INPP5A: variants seen among roughly 807,000 people sequenced by gnomAD.
INPP5A encodes the protein 43 kDa inositol polyphosphate 5-phophatase.
INPP5A carries 14 observed loss-of-function variants against 65.2 expected under a neutral mutation model. The observed-to-expected ratio is 0.21, with a 90% CI of 0.14 to 0.34. The LOEUF (loss-of-function observed/expected upper bound fraction) is 0.34, where lower values mean the gene tolerates loss of function less well. INPP5A is among the 10% of genes least tolerant of loss of function. The probability of loss-of-function intolerance (pLI) is 1.00; values close to 1 mark genes in which losing one functional copy is unlikely to be tolerated. For synonymous variants in INPP5A, 207 were observed against 208.3 expected (o/e 0.99, Z 0.05); for missense variants, 431 against 545.6 (o/e 0.79, Z 2.09).
At position 132,781,936 on chromosome 10, in the gene INPP5A, C is replaced by G; in HGVS notation, c.1234C>G (p.Gln412Glu). The G allele has an allele frequency of 6.2e-7, 1 of 1,613,716 alleles. No individual in the cohort carries two copies. The highest frequency in any genetic ancestry group is 8.5e-7 in the Non-Finnish European group (1 of 1,179,848). Residue 412 changes from glutamine to glutamate, a missense_variant, in exon 15 of 16, where the codon CAG becomes GAG. Gln to Glu is a conservative substitution (Grantham distance 29, BLOSUM62 2). Transcript: ENST00000368594. ...HAHVHKCCVV[Q>E] ...CCATGTGCACAAGTGTTGTGTCGTG[C>G]AGTGACGTGGTGGTAAATATGACTC...
intron 11 of INPP5A, among the ~76,000 whole-genome samples, chr10:132,757,260 C>G (rs764649022): frequency 3.3e-4 from 51 of 152,322 alleles, no homozygotes; most frequent in Non-Finnish European, 6.0e-4. Flanking sequence ...TGATCCCAGG[C>G]CTTCCCGCTC....
intron 2 of INPP5A, among the ~76,000 whole-genome samples, chr10:132,633,066 C>T (rs929291414): frequency 6.6e-6 from 1 of 152,172 alleles, no homozygotes; most frequent in Non-Finnish European, 1.5e-5. Flanking sequence ...AGGCCTCTGT[C>T]CCCAGGGCAG....
intron 3 of INPP5A, among the ~76,000 whole-genome samples, chr10:132,647,726 G>C (rs563605740): frequency 6.6e-6 from 1 of 152,290 alleles, no homozygotes; most frequent in South Asian, 2.1e-4. Context: ...GGGGACATGG[G>C]CTGGGGCACG....
At position 132,675,765 on chromosome 10, in the gene INPP5A, G is replaced by T. The variant is rs1211033909; in HGVS notation, c.307-14627G>T. Reference sequence around the variant, plus strand: ...TAGATGGCAATTTCCTAATATAATGGACATTTAAAACTCAATTAAGGCTTT... The same window carrying T: ...TAGATGGCAATTTCCTAATATAATGTACATTTAAAACTCAATTAAGGCTTT... On this transcript the variant is annotated intron_variant, in intron 4 of 15. Coordinates refer to ENST00000368594, the MANE Select transcript of INPP5A (RefSeq NM_005539.5). The surrounding 1 kb of genome is among the most constrained non-coding windows in gnomAD (Gnocchi z 4.2). Among the ~76,000 whole-genome samples, 1 of 152,148 alleles carries T rather than the reference G, an allele frequency of 6.6e-6. No individual in the cohort carries two copies. The highest frequency in any genetic ancestry group is 2.1e-4 in the South Asian group (1 of 4,828).
intron 9 of INPP5A, among the ~76,000 whole-genome samples, chr10:132,738,046 G>A (rs1846208342): frequency 6.6e-6 from 1 of 152,114 alleles, no homozygotes; most frequent in Non-Finnish European, 1.5e-5. Context: ...ATTTTCTCTG[G>A]TCTATGCTGG....
intron 2 of INPP5A, among the ~76,000 whole-genome samples, chr10:132,624,076 G>C (rs1464303635): frequency 6.6e-6 from 1 of 152,198 alleles, no homozygotes; most frequent in Non-Finnish European, 1.5e-5. Context: ...TGGCCCTGCA[G>C]ATCCCTATGG....
chr10:132,701,739 C>T (rs1845440819), intron 6 of INPP5A, among the ~76,000 whole-genome samples: 1 of 152,216 alleles, frequency 6.6e-6, no homozygotes, highest in South Asian at 2.1e-4. Flanking sequence ...GGACCTCCTT[C>T]CTCTTGGGCC....
chr10:132,649,336 T>G (rs1442570173), intron 3 of INPP5A, among the ~76,000 whole-genome samples: 1 of 152,238 alleles, frequency 6.6e-6, no homozygotes, highest in Non-Finnish European at 1.5e-5. Flanking sequence ...CCGTCATTTT[T>G]GCCTCTTCCG....
chr10:132,776,338 C>G (rs867381180), intron 12 of INPP5A, among the ~76,000 whole-genome samples: 1 of 151,958 alleles, frequency 6.6e-6, no homozygotes, highest in East Asian at 2.0e-4. Context: ...GCTCCTGCGT[C>G]AGGGCAGAGC....
At chr10:132,606,738 C>T (rs1346189275) in intron 1 of INPP5A, among the ~76,000 whole-genome samples, 5 of 152,246 alleles carry the variant, frequency 3.3e-5, no homozygotes, top group African/African-American at 9.6e-5. Context: ...GCGGCCTGCA[C>T]GCCTTGGCCC....
At chr10:132,661,092 C>T (rs1031533799) in intron 4 of INPP5A, among the ~76,000 whole-genome samples, 2 of 152,138 alleles carry the variant, frequency 1.3e-5, no homozygotes, top group African/African-American at 4.8e-5. Context: ...TTGCACAATG[C>T]CCCCACCCAC....
At chr10:132,714,472 C>T (rs897934118) in intron 8 of INPP5A, among the ~76,000 whole-genome samples, 1 of 152,220 alleles carries the variant, frequency 6.6e-6, no homozygotes, top group Admixed American at 6.5e-5. Flanking sequence ...CGTTGGGAAC[C>T]GGGCGCACAT....
Position 132,777,746 on chromosome 10 carries a change from C to T in INPP5A, c.1053C>T (p.Ile351=), listed in dbSNP as rs1379723498. The T allele has an allele frequency of 6.2e-7, 1 of 1,613,124 alleles. No homozygotes were observed. Among genetic ancestry groups the T allele is most frequent in the Non-Finnish European group, 8.5e-7 (1 of 1,179,994 alleles). Reference sequence around the variant, plus strand: ...GGTGCCCAGCCTGGTGTGACCGCATCCTCATGTCCCCGTCTGCCAAGGAGC... The same window carrying T: ...GGTGCCCAGCCTGGTGTGACCGCATTCTCATGTCCCCGTCTGCCAAGGAGC... ...NTRCPAWCDR[I]LMSPSAKELV... Residue 351 remains isoleucine (I), a synonymous_variant, in exon 13 of 16, where the codon ATC becomes ATT. Transcript: ENST00000368594.
chr10:132,610,477 C>T (rs944277139), intron 2 of INPP5A, among the ~76,000 whole-genome samples: 8 of 152,336 alleles, frequency 5.3e-5, no homozygotes, highest in South Asian at 2.1e-4. Flanking sequence ...ACTTCCCAAG[C>T]GAGGTGCTGG....
chr10:132,643,623 C>T (rs1409899421), intron 2 of INPP5A, among the ~76,000 whole-genome samples: 1 of 152,172 alleles, frequency 6.6e-6, no homozygotes, highest in Non-Finnish European at 1.5e-5. Context: ...AGGGACGGGG[C>T]ATGAGAGGAA....
At chr10:132,647,042 A>G (rs193174769) in intron 3 of INPP5A, among the ~76,000 whole-genome samples, 59 of 152,258 alleles carry the variant, frequency 3.9e-4, no homozygotes, top group African/African-American at 1.3e-3. Context: ...GAGCAGAGCA[A>G]AGTGGTTTCA....
intron 11 of INPP5A, among the ~76,000 whole-genome samples, chr10:132,761,947 GA>G (rs766668479): frequency 5.3e-5 from 8 of 152,056 alleles, no homozygotes; most frequent in African/African-American, 1.9e-4. Context: ...ACCACACTAT[GA>G]AAAAAATCCC....
chr10:132,675,640 G>C lies in INPP5A; in HGVS notation c.307-14752G>C, dbSNP rs1264362950. On this transcript the variant is annotated intron_variant, in intron 4 of 15. Transcript: ENST00000368594. The surrounding 1 kb of genome is among the most constrained non-coding windows in gnomAD (Gnocchi z 4.2). ...GGGGATATTCCCACGCGGAGAACTG[G>C]GACCCCGATCAGGGTCTGGAGGGAG... Among the ~76,000 whole-genome samples the C allele has an allele frequency of 6.6e-6, 1 of 152,208 alleles. No homozygotes were observed. Among genetic ancestry groups the C allele is most frequent in the Non-Finnish European group, 1.5e-5 (1 of 68,040 alleles).
chr10:132,665,366 C>T (rs192564092), intron 4 of INPP5A, among the ~76,000 whole-genome samples: 2 of 152,200 alleles, frequency 1.3e-5, no homozygotes, highest in Non-Finnish European at 1.5e-5. Flanking sequence ...GATTCTGTGT[C>T]GCTAATTGTT....
Sources: allele counts gnomAD v4.1 joint callset (sites outside exome capture counted in the v4.1 genomes callset), GRCh38; gene constraint gnomAD v4.1.1; non-coding constraint Gnocchi (gnomAD v3.1); transcripts MANE v1.5; gene names NCBI Gene and HGNC (gene_info 2026-07-23, HGNC 2026-07-21).